TMEM132C: variants seen among roughly 807,000 people sequenced by gnomAD.
TMEM132C encodes protein phosphatase 1, regulatory subunit 152.
In TMEM132C, 29 loss-of-function variants were observed where a neutral mutation model predicts 61.4. The ratio of observed to expected loss-of-function variants is 0.47; its 90% CI spans 0.35 to 0.64. The LOEUF (loss-of-function observed/expected upper bound fraction) is 0.64. Among genes scored for constraint, TMEM132C ranks in the 30% least tolerant of loss-of-function variants. The pLI is 0.00. For synonymous variants in TMEM132C, 656 were observed against 633.1 expected, an observed-to-expected ratio of 1.04 and a Z score of -0.54; for missense variants, 1,408 against 1,476.9, an observed-to-expected ratio of 0.95 and a Z score of 0.76.
chr12:128,368,595 G>A (rs973220890), intron 1 of TMEM132C, among the ~76,000 whole-genome samples: 1 of 152,180 alleles, frequency 6.6e-6, no homozygotes, highest in African/African-American at 2.4e-5. Flanking sequence ...AAAGGAGGGT[G>A]GGCATGAAGG....
At chr12:128,410,897 C>A (rs1284680370) in intron 1 of TMEM132C, among the ~76,000 whole-genome samples, 4 of 151,996 alleles carry the variant, frequency 2.6e-5, no homozygotes, top group Non-Finnish European at 5.9e-5. Flanking sequence ...GTTTTGTGTA[C>A]CTTTAGACGT....
At chr12:128,501,784 G>A (rs1165097976) in intron 2 of TMEM132C, among the ~76,000 whole-genome samples, 3 of 152,238 alleles carry the variant, frequency 2.0e-5, no homozygotes, top group African/African-American at 4.8e-5. Flanking sequence ...TATGTATCCA[G>A]ATGAACTTTT....
At chr12:128,494,633 G>A (rs534172832) in intron 2 of TMEM132C, among the ~76,000 whole-genome samples, 44 of 152,234 alleles carry the variant, frequency 2.9e-4, no homozygotes, top group African/African-American at 9.4e-4. Context: ...GTTTATTTGT[G>A]TGGAGCTATT....
At chr12:128,439,753 G>A (rs1869719683) in intron 2 of TMEM132C, among the ~76,000 whole-genome samples, 1 of 152,102 alleles carries the variant, frequency 6.6e-6, no homozygotes. Flanking sequence ...TAGTGGGGAG[G>A]GGGTCAAAGG....
At chr12:128,493,921 T>G (rs1238270107) in intron 2 of TMEM132C, among the ~76,000 whole-genome samples, 3 of 152,338 alleles carry the variant, frequency 2.0e-5, no homozygotes, top group East Asian at 1.9e-4. Flanking sequence ...CATCCCTGTC[T>G]TGTGCCAGTT....
chr12:128,278,745 CGTGT>C lies in TMEM132C; in HGVS notation c.85+11259_85+11262del, dbSNP rs760803665. Among the ~76,000 whole-genome samples, 1 of 135,582 alleles carries C rather than the reference CGTGT, an allele frequency of 7.4e-6. No individual in the cohort carries two copies. The highest frequency in any genetic ancestry group is 1.6e-5 in the Non-Finnish European group (1 of 64,216). The allele number at this position is 135,582 out of a possible 152,430, so 88.9% of individuals were successfully genotyped here. A position where few individuals can be genotyped will look rare whatever the true frequency, so the allele number is the denominator to read the frequency against. ...ATATTTGTGCAGACTTGATTCTATACGTGTATGTGTGTGTGTGTGTGTGTGTGTG... is the reference window on the plus strand; with the variant it reads ...ATATTTGTGCAGACTTGATTCTATACATGTGTGTGTGTGTGTGTGTGTGTG... On this transcript the variant is annotated intron_variant, in intron 1 of 8. Transcript: ENST00000435159. The surrounding 1 kb of genome is among the most constrained non-coding windows in gnomAD (Gnocchi z 4.2).
chr12:128,521,244 A>G (rs1872893754), intron 2 of TMEM132C, among the ~76,000 whole-genome samples: 1 of 151,996 alleles, frequency 6.6e-6, no homozygotes, highest in Admixed American at 6.6e-5. Flanking sequence ...GAACACACAT[A>G]TTGTTATATA....
intron 2 of TMEM132C, among the ~76,000 whole-genome samples, chr12:128,498,361 C>T (rs762546040): frequency 1.4e-5 from 2 of 145,054 alleles, no homozygotes; most frequent in African/African-American, 2.5e-5. Flanking sequence ...GTGCCAATGA[C>T]GTGATGTTCT....
At chr12:128,320,445 A>C (rs1872294127) in intron 1 of TMEM132C, among the ~76,000 whole-genome samples, 1 of 152,122 alleles carries the variant, frequency 6.6e-6, no homozygotes, top group African/African-American at 2.4e-5. Context: ...TTTACCTTTT[A>C]AAGTCTAGTT....
Position 128,543,954 on chromosome 12 carries a change from C to T in TMEM132C, c.975-3C>T, listed in dbSNP as rs1367542675. 6.5e-7 allele frequency: 1 copy of T among 1,544,130 alleles called. No homozygotes were observed. The highest frequency in any genetic ancestry group is 8.7e-7 in the Non-Finnish European group (1 of 1,143,816). ...TCTCTCTCTCCCATCTTCATCCCCA[C>T]AGAGCCAAGGTGAAGAAGGGGGTGA... On this transcript the variant is annotated splice_region_variant and splice_polypyrimidine_tract_variant and intron_variant, in intron 2 of 8. Transcript: ENST00000435159.
At chr12:128,416,897 C>A (rs1868798449) in intron 2 of TMEM132C, among the ~76,000 whole-genome samples, 2 of 152,120 alleles carry the variant, frequency 1.3e-5, no homozygotes, top group Admixed American at 1.3e-4. Context: ...ACTCTTACAT[C>A]TTTTTATGAG....
intron 2 of TMEM132C, among the ~76,000 whole-genome samples, chr12:128,542,292 G>A (rs1873785509): frequency 6.6e-6 from 1 of 152,014 alleles, no homozygotes; most frequent in African/African-American, 2.4e-5. Context: ...ATGGGATTAT[G>A]CCTTTTATTT....
At chr12:128,484,670 A>G (rs1010507903) in intron 2 of TMEM132C, among the ~76,000 whole-genome samples, 6 of 152,120 alleles carry the variant, frequency 3.9e-5, no homozygotes, top group African/African-American at 1.4e-4. Flanking sequence ...CTAAAGAAAG[A>G]CTTTTTGGCA....
chr12:128,427,387 G>GGGGTGTGTGTGT (rs1555223960), intron 2 of TMEM132C, among the ~76,000 whole-genome samples: 1 of 132,294 alleles, frequency 7.6e-6, no homozygotes, highest in African/African-American at 3.0e-5. Context: ...CTTCCAAAGG[G>GGGGTGTGTGTGT]GTGTGTGTGT....
chr12:128,575,770 G>A (rs575734339), intron 3 of TMEM132C, among the ~76,000 whole-genome samples: 112 of 152,304 alleles, frequency 7.4e-4, no homozygotes, highest in African/African-American at 2.4e-3. Flanking sequence ...GGTCAAGGAC[G>A]ACGCACTATA....
rs987918908 is a variant in TMEM132C at position 128,705,522 on chromosome 12, G to T, written c.2554G>T (p.Ala852Ser). The change falls in exon 9 of 9, where the codon GCT becomes TCT. Residue 852 changes from alanine to serine, a missense_variant. By Grantham distance (99) the Ala-to-Ser change is moderately conservative. Transcript: ENST00000435159. ...GSSPVEREEG[A>S]LRRATTTARS... ...CTCTCCCGTGGAGCGTGAGGAAGGG[G>T]CTCTCCGAAGAGCCACTACCACGGC... 1 of 1,550,986 alleles carries T rather than the reference G, an allele frequency of 6.4e-7. No homozygotes were observed. Among genetic ancestry groups the T allele is most frequent in the South Asian group, 1.2e-5 (1 of 84,056 alleles).
At chr12:128,393,594 G>A (rs1874840818) in intron 1 of TMEM132C, among the ~76,000 whole-genome samples, 2 of 152,170 alleles carry the variant, frequency 1.3e-5, no homozygotes, top group South Asian at 4.1e-4. Context: ...GCTTTCTTCT[G>A]TGACAGGAAG....
chr12:128,376,786 G>A (rs540973801), intron 1 of TMEM132C, among the ~76,000 whole-genome samples: 1 of 152,216 alleles, frequency 6.6e-6, no homozygotes, highest in African/African-American at 2.4e-5. Flanking sequence ...CCGCTCATAG[G>A]TGTGTGCCCC....
chr12:128,468,610 C>T (rs966306695), intron 2 of TMEM132C, among the ~76,000 whole-genome samples: 12 of 152,072 alleles, frequency 7.9e-5, no homozygotes, highest in Admixed American at 1.3e-4. Flanking sequence ...TGAGCCACTG[C>T]GCCTGACCAA....
Sources: gnomAD v4.1 joint callset for allele counts (sites outside exome capture counted in the v4.1 genomes callset) on GRCh38, gnomAD v4.1.1 for gene constraint, Gnocchi (gnomAD v3.1) non-coding constraint, MANE v1.5 for transcripts, NCBI Gene and HGNC (gene_info 2026-07-23, HGNC 2026-07-21) for gene names.